Variants in ATXN1 observed in about 807,000 individuals in gnomAD.
ATXN1 encodes the protein ataxin 1, also known as ataxin-1.
In ATXN1, 8 loss-of-function variants were observed where a neutral mutation model predicts 56.4. That is an observed-to-expected ratio of 0.14 (90% CI 0.08 to 0.26). The LOEUF (loss-of-function observed/expected upper bound fraction) is 0.26, where lower values mean the gene tolerates loss of function less well. Ranked by LOEUF, ATXN1 falls within the 10% of genes least tolerant of loss-of-function variation. The probability of loss-of-function intolerance (pLI) is 1.00; values close to 1 mark genes in which losing one functional copy is unlikely to be tolerated. For missense variants in ATXN1, 987 were observed against 1,106.5 expected, an observed-to-expected ratio of 0.89 and a Z score of 1.53; for synonymous variants, 514 against 494.6, an observed-to-expected ratio of 1.04 and a Z score of -0.52.
chr6:16,624,974 T>C (rs1282762541), intron 3 of ATXN1, among the ~76,000 whole-genome samples: 1 of 152,216 alleles, frequency 6.6e-6, no homozygotes, highest in African/African-American at 2.4e-5. Flanking sequence ...ATCTCTACCA[T>C]GAAATACTTG....
At chr6:16,351,119 G>A (rs994259774) in intron 6 of ATXN1, among the ~76,000 whole-genome samples, 1 of 152,030 alleles carries the variant, frequency 6.6e-6, no homozygotes, top group Non-Finnish European at 1.5e-5. Flanking sequence ...ATAATAACAC[G>A]TACCCTACAG....
In ATXN1 at chr6:16,760,336, C is replaced by A. The variant is rs144371716; in HGVS notation, c.-730+962G>T. ...ACTCCCGGCTCAGGGCAGCGCCTGC[C>A]GCGGCTCCTCGTCTCCTGCCGCGGG... On this transcript the variant is annotated intron_variant, in intron 1 of 7. Transcript: ENST00000436367. This position sits in a 1 kb window ranked among gnomAD's most constrained non-coding sequence, Gnocchi z 5.3. Among the ~76,000 whole-genome samples, 1 of 152,022 alleles carries A rather than the reference C, an allele frequency of 6.6e-6. No individual in the cohort carries two copies. The highest frequency in any genetic ancestry group is 2.1e-4 in the South Asian group (1 of 4,824).
intron 5 of ATXN1, among the ~76,000 whole-genome samples, chr6:16,514,208 C>T (rs536733411): frequency 1.3e-5 from 2 of 152,230 alleles, no homozygotes; most frequent in Non-Finnish European, 2.9e-5. Flanking sequence ...CTCCTTTCTC[C>T]CAAATCAAAA....
intron 6 of ATXN1, among the ~76,000 whole-genome samples, chr6:16,452,364 G>A (rs528498541): frequency 2.9e-4 from 44 of 152,332 alleles, no homozygotes; most frequent in Admixed American, 2.0e-3. Flanking sequence ...TGAATGATAT[G>A]AGAAAGTAAA....
chr6:16,581,230 C>CGT (rs1211990167), intron 4 of ATXN1, among the ~76,000 whole-genome samples: 32 of 127,820 alleles, frequency 2.5e-4, no homozygotes, highest in South Asian at 1.5e-3. Context: ...TGTGTGCGCG[C>CGT]GTGTGTGTGT....
intron 5 of ATXN1, among the ~76,000 whole-genome samples, chr6:16,493,619 T>A (rs970101391): frequency 1.3e-5 from 2 of 152,206 alleles, no homozygotes; most frequent in African/African-American, 4.8e-5. Context: ...TGTCTTCTTT[T>A]TGTAAGCTTC....
chr6:16,587,931 A>T (rs1010962773), intron 3 of ATXN1, among the ~76,000 whole-genome samples: 4 of 137,020 alleles, frequency 2.9e-5, no homozygotes, highest in African/African-American at 1.1e-4. Flanking sequence ...AACTCTGTCT[A>T]AAAAAAAAAA....
chr6:16,495,355 C>A (rs142421640), intron 5 of ATXN1, among the ~76,000 whole-genome samples: 130 of 152,248 alleles, frequency 8.5e-4, no homozygotes, highest in African/African-American at 3.1e-3. Context: ...AAGTACCAAA[C>A]GGGGAGTGAA....
intron 6 of ATXN1, among the ~76,000 whole-genome samples, chr6:16,363,469 A>G (rs1761857001): frequency 6.6e-6 from 1 of 152,236 alleles, no homozygotes; most frequent in Non-Finnish European, 1.5e-5. Flanking sequence ...AGGTTCCACT[A>G]AGAGTAAATA....
chr6:16,456,210 C>T (rs145490433), intron 6 of ATXN1, among the ~76,000 whole-genome samples: 110 of 152,260 alleles, frequency 7.2e-4, no homozygotes, highest in African/African-American at 2.5e-3. Flanking sequence ...TTGAAGTCAG[C>T]GAGACCATGA....
chr6:16,317,538 T>C (rs994509333), intron 7 of ATXN1, among the ~76,000 whole-genome samples: 1 of 152,180 alleles, frequency 6.6e-6, no homozygotes, highest in Non-Finnish European at 1.5e-5. Context: ...TTAGTCAGGC[T>C]GGTCTTGAAC....
chr6:16,633,290 A>T (rs1763538338), intron 3 of ATXN1, among the ~76,000 whole-genome samples: 1 of 152,242 alleles, frequency 6.6e-6, no homozygotes, highest in Admixed American at 6.5e-5. Context: ...GATTATAAAC[A>T]AGGTAATTAA....
At chr6:16,566,886 A>C (rs1762240492) in intron 4 of ATXN1, among the ~76,000 whole-genome samples, 1 of 150,690 alleles carries the variant, frequency 6.6e-6, no homozygotes, top group African/African-American at 2.4e-5. Context: ...CAACAACAAA[A>C]ACATTTTGTA....
chr6:16,719,936 G>A (rs1759713578), intron 2 of ATXN1, among the ~76,000 whole-genome samples: 1 of 152,142 alleles, frequency 6.6e-6, no homozygotes, highest in African/African-American at 2.4e-5. Context: ...CTGCCCTCCA[G>A]AACTTTGAGA....
At chr6:16,313,946 T>C (rs954382744) in intron 7 of ATXN1, among the ~76,000 whole-genome samples, 4 of 152,228 alleles carry the variant, frequency 2.6e-5, no homozygotes, top group African/African-American at 9.6e-5. Flanking sequence ...TTGTTTCTTT[T>C]TGCCTAAATT....
At chr6:16,406,495 C>T (rs944993143) in intron 6 of ATXN1, among the ~76,000 whole-genome samples, 1 of 152,218 alleles carries the variant, frequency 6.6e-6, no homozygotes, top group Non-Finnish European at 1.5e-5. Flanking sequence ...AGAGGTTCCT[C>T]TTCAAAGATT....
rs140234563 is a variant in ATXN1, at chr6:16,318,814, G to A, written c.1917+7580C>T. On this transcript the variant is annotated intron_variant, in intron 7 of 7. Coordinates refer to ENST00000436367, the MANE Select transcript of ATXN1 (RefSeq NM_001128164.2). ...GGGAAGGCCCTGTGGGGAGGCTCAG[G>A]GATGGCCAGGAAGGACACTGCCCAG... Among the ~76,000 whole-genome samples the A allele has an allele frequency of 3.0e-3, 457 of 152,324 alleles. 3 individuals carry two copies. The highest frequency in any genetic ancestry group is 0.01 in the African/African-American group (432 of 41,566).
At chr6:16,533,846 G>C (rs1415293714) in intron 4 of ATXN1, among the ~76,000 whole-genome samples, 3 of 152,126 alleles carry the variant, frequency 2.0e-5, no homozygotes, top group Admixed American at 2.0e-4. Context: ...CCATGCACAA[G>C]AGGTGACTTC....
At chr6:16,451,382 T>C (rs1759749187) in intron 6 of ATXN1, among the ~76,000 whole-genome samples, 1 of 152,200 alleles carries the variant, frequency 6.6e-6, no homozygotes, top group African/African-American at 2.4e-5. Flanking sequence ...GAAGAATCAC[T>C]TGAACCCGAG....
Sources: gnomAD v4.1 joint callset for allele counts (sites outside exome capture counted in the v4.1 genomes callset) on GRCh38, gnomAD v4.1.1 for gene constraint, Gnocchi (gnomAD v3.1) non-coding constraint, MANE v1.5 for transcripts, NCBI Gene and HGNC (gene_info 2026-07-23, HGNC 2026-07-21) for gene names.